Variants in NTM observed in about 807,000 individuals in gnomAD.
NTM encodes IgLON family member 2.
In NTM, 13 loss-of-function variants were observed where a neutral mutation model predicts 42.1. That is an observed-to-expected ratio of 0.31 (90% CI 0.20 to 0.49). The LOEUF (loss-of-function observed/expected upper bound fraction) is 0.49, where lower values mean the gene tolerates loss of function less well. Among genes scored for constraint, NTM ranks in the 20% least tolerant of loss-of-function variants. NTM has a pLI of 0.99. For synonymous variants in NTM, 187 were observed against 179.2 expected, an observed-to-expected ratio of 1.04 and a Z score of -0.35; for missense variants, 373 against 452.8, an observed-to-expected ratio of 0.82 and a Z score of 1.60.
At position 132,003,949 on chromosome 11, in the gene NTM, A is replaced by G. The variant is rs2070076987; in HGVS notation, c.167+92301A>G. 6.6e-6 allele frequency among the ~76,000 whole-genome samples: 1 copy of G among 152,234 alleles called. No homozygotes were observed. The highest frequency in any genetic ancestry group is 2.4e-5 in the African/African-American group (1 of 41,460). ...GCCCAGAGCCCCATCCTCATTGTTC[A>G]GGTTTCATCGTCTCCTTAATCAACC... On this transcript the variant is annotated intron_variant, in intron 2 of 8. Coordinates refer to ENST00000683400, the MANE Select transcript of NTM (RefSeq NM_001352005.2). The surrounding 1 kb of genome is among the most constrained non-coding windows in gnomAD (Gnocchi z 6.0).
At chr11:131,715,805 T>C (rs1014690019) in intron 1 of NTM, among the ~76,000 whole-genome samples, 22 of 152,366 alleles carry the variant, frequency 1.4e-4, no homozygotes, top group Admixed American at 3.3e-4. Context: ...TATTTAGAGA[T>C]TGATCCATGT....
At chr11:131,545,524 C>G (rs968061553) in intron 1 of NTM, among the ~76,000 whole-genome samples, 1 of 152,122 alleles carries the variant, frequency 6.6e-6, no homozygotes, top group African/African-American at 2.4e-5. Context: ...ATTTATTCCA[C>G]CAGCATTCAC....
chr11:132,224,201 A>G (rs1239590204), intron 4 of NTM, among the ~76,000 whole-genome samples: 1 of 152,178 alleles, frequency 6.6e-6, no homozygotes, highest in Non-Finnish European at 1.5e-5. Context: ...AGACAACTCA[A>G]CATTTTCTTG....
intron 3 of NTM, among the ~76,000 whole-genome samples, chr11:132,183,534 T>G (rs571662227): frequency 6.6e-6 from 1 of 151,774 alleles, no homozygotes; most frequent in African/African-American, 2.4e-5. Flanking sequence ...GCAATCACCA[T>G]TAAGACAAAG....
chr11:131,407,508 C>CCT (rs1945925287), intron 1 of NTM, among the ~76,000 whole-genome samples: 1 of 152,160 alleles, frequency 6.6e-6, no homozygotes, highest in South Asian at 2.1e-4. Flanking sequence ...GGGAAACATT[C>CCT]CTCGGACCCA....
chr11:131,738,012 C>T (rs2080702663), intron 1 of NTM, among the ~76,000 whole-genome samples: 1 of 152,180 alleles, frequency 6.6e-6, no homozygotes. Flanking sequence ...TGTAATTACA[C>T]TGTAGATCAA....
intron 3 of NTM, among the ~76,000 whole-genome samples, chr11:132,186,249 T>C (rs1566414446): frequency 6.6e-6 from 1 of 152,122 alleles, no homozygotes; most frequent in Non-Finnish European, 1.5e-5. Context: ...TTCCACCTCA[T>C]TATGGTACTC....
rs1219265538 is a variant in NTM at position 131,508,120 on chromosome 11, T to G, written c.82+137232T>G. On this transcript the variant is annotated intron_variant, in intron 1 of 8. Coordinates refer to ENST00000683400, the MANE Select transcript of NTM (RefSeq NM_001352005.2). ...GGCAACCTACAAAATGGGAGAAAAT[T>G]TTCGCAACCTACTCATCTGACAAAG... is the stretch of plus-strand genomic sequence containing the variant. Among the ~76,000 whole-genome samples the G allele has an allele frequency of 3.4e-5, 5 of 145,864 alleles. No homozygotes were observed. In the East Asian group the frequency reaches 9.9e-4, roughly 29 times the overall value.
At position 131,399,083 on chromosome 11, in the gene NTM, C is replaced by T. The variant is rs1378382324; in HGVS notation, c.82+28195C>T. Among the ~76,000 whole-genome samples, 6 of 152,066 alleles carry T rather than the reference C, an allele frequency of 3.9e-5. No homozygotes were observed. In the East Asian group the frequency reaches 5.8e-4, roughly 15 times the overall value. On this transcript the variant is annotated intron_variant, in intron 1 of 8. Coordinates refer to ENST00000683400, the MANE Select transcript of NTM (RefSeq NM_001352005.2). ...TTGGAGAGAAATGCATTGAAGCTGC[C>T]GACAACACTTCATGTGCATATGGAC...
chr11:131,763,273 G>A (rs1271614584), intron 1 of NTM, among the ~76,000 whole-genome samples: 1 of 152,210 alleles, frequency 6.6e-6, no homozygotes, highest in Non-Finnish European at 1.5e-5. Flanking sequence ...ATTTGGATAT[G>A]TTAATATTAT....
intron 2 of NTM, among the ~76,000 whole-genome samples, chr11:132,095,088 G>A (rs886663045): frequency 1.3e-5 from 2 of 152,150 alleles, no homozygotes; most frequent in Non-Finnish European, 2.9e-5. Flanking sequence ...TGGAGTTGCC[G>A]GCCTGCTCGG....
intron 1 of NTM, among the ~76,000 whole-genome samples, chr11:131,589,872 C>T (rs150771518): frequency 1.2e-4 from 18 of 152,254 alleles, no homozygotes; most frequent in East Asian, 9.7e-4. Context: ...GTGGAGGGCT[C>T]GATCCCCATA....
rs994151062 is a variant in NTM at position 132,146,118 on chromosome 11, C to T, written c.168-164C>T. 52 of 612,328 alleles carry T rather than the reference C, an allele frequency of 8.5e-5. No homozygotes were observed. The African/African-American group carries it at 1.0e-3, about 12-fold the overall frequency. The allele number at this position is 612,328 out of a possible 1,614,324, so 37.9% of individuals were successfully genotyped here. On this transcript the variant is annotated intron_variant, in intron 2 of 8. Coordinates refer to ENST00000683400, the MANE Select transcript of NTM (RefSeq NM_001352005.2). The surrounding 1 kb of genome is among the most constrained non-coding windows in gnomAD (Gnocchi z 4.5). The stretch of plus-strand genomic sequence containing the variant: ...TTCTGAGGCTGTAATCCCATAAGAC[C>T]TTTGCTGTGTTCCAGAAAAGTCCAC...
At chr11:131,719,737 A>G (rs1305183875) in intron 1 of NTM, among the ~76,000 whole-genome samples, 11 of 152,212 alleles carry the variant, frequency 7.2e-5, no homozygotes, top group Non-Finnish European at 1.6e-4. Flanking sequence ...GTTGTGCTCC[A>G]TCAGTGGTAA....
intron 2 of NTM, among the ~76,000 whole-genome samples, chr11:132,008,170 G>T (rs959605164): frequency 2.6e-5 from 4 of 152,188 alleles, no homozygotes; most frequent in Non-Finnish European, 5.9e-5. Flanking sequence ...GGATCATGAC[G>T]TGGTGGACTG....
At chr11:132,245,445 G>C (rs2090970676) in intron 4 of NTM, among the ~76,000 whole-genome samples, 1 of 152,136 alleles carries the variant, frequency 6.6e-6, no homozygotes, top group Non-Finnish European at 1.5e-5. Context: ...GGCCTGAGGG[G>C]AGCGTGCACC....
chr11:131,500,597 T>G (rs1252575231), intron 1 of NTM, among the ~76,000 whole-genome samples: 1 of 113,050 alleles, frequency 8.8e-6, no homozygotes. Flanking sequence ...TTTTTTTTTG[T>G]ATTATACTTT....
At chr11:131,741,020 C>A (rs943960265) in intron 1 of NTM, among the ~76,000 whole-genome samples, 3 of 152,086 alleles carry the variant, frequency 2.0e-5, no homozygotes, top group Admixed American at 1.3e-4. Flanking sequence ...GAAAAATTAA[C>A]CGGGCATGGT....
intron 1 of NTM, among the ~76,000 whole-genome samples, chr11:131,853,891 C>T (rs2045844905): frequency 1.3e-5 from 2 of 152,196 alleles, no homozygotes; most frequent in South Asian, 2.1e-4. Flanking sequence ...TCTCCACAAC[C>T]TTGCCAGCAT....
Sources: gnomAD v4.1 joint callset for allele counts (sites outside exome capture counted in the v4.1 genomes callset) on GRCh38, gnomAD v4.1.1 for gene constraint, Gnocchi (gnomAD v3.1) non-coding constraint, MANE v1.5 for transcripts, NCBI Gene and HGNC (gene_info 2026-07-23, HGNC 2026-07-21) for gene names.